SLC44A3: variants seen among roughly 807,000 people sequenced by gnomAD.
SLC44A3 encodes the protein solute carrier family 44 member 3, also known as choline transporter-like protein 3.
Under a neutral mutation model 75.4 loss-of-function variants are expected in SLC44A3, and 74 were observed. The ratio of observed to expected loss-of-function variants is 0.98; its 90% CI spans 0.81 to 1.19. SLC44A3 has a LOEUF of 1.19. SLC44A3 is among the 50% of genes most tolerant of loss of function. The probability of loss-of-function intolerance (pLI) is 0.00; values close to 1 mark genes in which losing one functional copy is unlikely to be tolerated. For missense variants in SLC44A3, 700 were observed against 778.6 expected (o/e 0.90, Z 1.20); for synonymous variants, 310 against 296.9 (o/e 1.04, Z -0.45).
At chr1:94,856,556 A>G (rs1032104429) in intron 9 of SLC44A3, among the ~76,000 whole-genome samples, 6 of 152,242 alleles carry the variant, frequency 3.9e-5, no homozygotes, top group East Asian at 1.9e-4. Flanking sequence ...GTAGGATTCT[A>G]TAATGTGATA....
chr1:94,865,859 T>C (rs561159071), intron 11 of SLC44A3, among the ~76,000 whole-genome samples: 1 of 152,340 alleles, frequency 6.6e-6, no homozygotes, highest in South Asian at 2.1e-4. Context: ...TAAAAAGATA[T>C]CTGAATTGTT....
chr1:94,824,166 G>A (rs1660981984), intron 2 of SLC44A3, among the ~76,000 whole-genome samples: 4 of 151,518 alleles, frequency 2.6e-5, no homozygotes, highest in Admixed American at 2.6e-4. Context: ...ATCAAGGGAA[G>A]AAAAATTGAA....
intron 12 of SLC44A3, among the ~76,000 whole-genome samples, chr1:94,884,453 C>T (rs997241527): frequency 5.9e-5 from 9 of 152,130 alleles, no homozygotes; most frequent in African/African-American, 2.2e-4. Flanking sequence ...TATCTGGACT[C>T]GGATTTCACT....
chr1:94,880,679 G>A (rs1010943893), intron 12 of SLC44A3, among the ~76,000 whole-genome samples: 3 of 152,142 alleles, frequency 2.0e-5, no homozygotes, highest in Non-Finnish European at 4.4e-5. Context: ...TGCAATATTT[G>A]AAGTATCTAA....
intron 1 of SLC44A3, 61 bp downstream of exon 1, chr1:94,820,539 C>T (rs1480922175): frequency 7.6e-6 from 11 of 1,456,422 alleles, no homozygotes; most frequent in East Asian, 2.8e-5. Context: ...GAGTCCCCCG[C>T]CTTCACGCAC....
chr1:94,883,982 C>T lies in SLC44A3; in HGVS notation c.1483-7148C>T, dbSNP rs187975580. ...CAAGCAATGTTAGCAGTGGTTATTTCTAAGGGGTGGGATCACAGTGGCCTT... is the reference window on the plus strand; with the variant it reads ...CAAGCAATGTTAGCAGTGGTTATTTTTAAGGGGTGGGATCACAGTGGCCTT... On this transcript the variant is annotated intron_variant, in intron 12 of 14. Coordinates refer to ENST00000271227, the MANE Select transcript of SLC44A3 (RefSeq NM_001114106.3). 2.5e-4 allele frequency among the ~76,000 whole-genome samples: 38 copies of T among 152,188 alleles called. No individual in the cohort carries two copies. The East Asian group carries it at 7.0e-3, about 28-fold the overall frequency.
At chr1:94,875,573 C>T (rs1668184038) in intron 12 of SLC44A3, among the ~76,000 whole-genome samples, 1 of 152,104 alleles carries the variant, frequency 6.6e-6, no homozygotes, top group Non-Finnish European at 1.5e-5. Flanking sequence ...CATGAGCTGC[C>T]CTGGGGTACC....
At chr1:94,820,848 G>C in intron 1 of SLC44A3, 101 bp from the exon 2 acceptor site, 1 of 1,325,652 alleles carries the variant, frequency 7.5e-7, no homozygotes, top group East Asian at 2.6e-5. Context: ...TTTAGAAAAA[G>C]ATTGGTTACT....
intron 7 of SLC44A3, among the ~76,000 whole-genome samples, chr1:94,841,027 G>T (rs1217295507): frequency 6.6e-6 from 1 of 152,176 alleles, no homozygotes; most frequent in Non-Finnish European, 1.5e-5. Flanking sequence ...TTTCCTCATT[G>T]TGTGAACATC....
chr1:94,840,623 C>G (rs1219962979), intron 7 of SLC44A3, among the ~76,000 whole-genome samples: 1 of 152,126 alleles, frequency 6.6e-6, no homozygotes, highest in Non-Finnish European at 1.5e-5. Flanking sequence ...GCTATGCTGC[C>G]CCTGAGATGA....
chr1:94,874,241 C>T (rs1272171020), intron 12 of SLC44A3, among the ~76,000 whole-genome samples: 6 of 152,202 alleles, frequency 3.9e-5, no homozygotes, highest in Admixed American at 3.9e-4. Flanking sequence ...AAACTGAATC[C>T]TCATGTTTCC....
intron 12 of SLC44A3, among the ~76,000 whole-genome samples, chr1:94,882,078 C>T (rs1669067119): frequency 6.6e-6 from 1 of 152,128 alleles, no homozygotes; most frequent in South Asian, 2.1e-4. Flanking sequence ...CATAGACATC[C>T]ACTGAGTTGG....
intron 9 of SLC44A3, among the ~76,000 whole-genome samples, chr1:94,849,100 G>T (rs564238036): frequency 1.3e-5 from 2 of 152,260 alleles, no homozygotes; most frequent in South Asian, 4.1e-4. Context: ...TGGGCCCAGG[G>T]CTTAGTAGCC....
intron 10 of SLC44A3, among the ~76,000 whole-genome samples, chr1:94,859,929 A>G (rs374762372): frequency 2.0e-5 from 3 of 152,314 alleles, no homozygotes; most frequent in East Asian, 1.9e-4. Context: ...GGGTCCCCCA[A>G]TGAAATGGAT....
chr1:94,855,622 CTCTCTATAAATCAAGCTGTTCCACTG>C (rs916295711), intron 9 of SLC44A3, among the ~76,000 whole-genome samples: 4 of 152,194 alleles, frequency 2.6e-5, no homozygotes, highest in African/African-American at 9.7e-5. Context: ...AAACATTAAC[CTCTCTATAAATCAAGCTGTTCCACTG>C]TTTCTTACAA....
intron 10 of SLC44A3, among the ~76,000 whole-genome samples, chr1:94,863,084 G>C (rs1303030966): frequency 3.9e-5 from 6 of 152,056 alleles, no homozygotes; most frequent in African/African-American, 1.4e-4. Flanking sequence ...TTTCTGTAGG[G>C]CTGTTTCTAG....
At chr1:94,835,360 T>A (rs1186338839) in intron 5 of SLC44A3, among the ~76,000 whole-genome samples, 3 of 152,196 alleles carry the variant, frequency 2.0e-5, no homozygotes, top group Admixed American at 2.0e-4. Flanking sequence ...AATTAGATCC[T>A]GGAATAGAAA....
intron 5 of SLC44A3, among the ~76,000 whole-genome samples, chr1:94,833,562 C>T (rs1291776696): frequency 1.3e-5 from 2 of 152,172 alleles, no homozygotes; most frequent in African/African-American, 4.8e-5. Context: ...GCACCCTTTG[C>T]CCTGACAAAT....
At chr1:94,873,799 A>G (rs1055444514) in intron 12 of SLC44A3, among the ~76,000 whole-genome samples, 3 of 152,348 alleles carry the variant, frequency 2.0e-5, no homozygotes, top group Middle Eastern at 3.4e-3. Context: ...CAGCATGTGC[A>G]TCTCAGAAAA....
Sources: allele counts gnomAD v4.1 joint callset (sites outside exome capture counted in the v4.1 genomes callset), GRCh38; gene constraint gnomAD v4.1.1; transcripts MANE v1.5; gene names NCBI Gene and HGNC (gene_info 2026-07-23, HGNC 2026-07-21).